Variants in SUGCT observed in about 807,000 individuals in gnomAD.
SUGCT encodes the protein succinyl-CoA:glutarate CoA-transferase.
SUGCT carries 41 observed loss-of-function variants against 55.0 expected under a neutral mutation model. The observed-to-expected ratio is 0.74, with a 90% confidence interval of 0.58 to 0.97. The LOEUF (loss-of-function observed/expected upper bound fraction) is 0.97. SUGCT is among the 50% of genes least tolerant of loss of function. The pLI is 0.00. For missense variants in SUGCT, 568 were observed against 547.8 expected (o/e 1.04, Z -0.37); for synonymous variants, 187 against 200.4 (o/e 0.93, Z 0.56).
At chr7:40,293,125 T>C (rs966163386) in intron 8 of SUGCT, among the ~76,000 whole-genome samples, 3 of 152,328 alleles carry the variant, frequency 2.0e-5, no homozygotes, top group African/African-American at 7.2e-5. Flanking sequence ...TAGTCATATT[T>C]GGTAATGAGA....
intron 13 of SUGCT, among the ~76,000 whole-genome samples, chr7:40,816,541 C>A (rs1010828065): frequency 2.6e-4 from 40 of 152,170 alleles, no homozygotes; most frequent in African/African-American, 8.9e-4. Flanking sequence ...GACACCATCA[C>A]AGGGGCTGTT....
intron 12 of SUGCT, among the ~76,000 whole-genome samples, chr7:40,590,263 ATAT>A (rs1797640290): frequency 1.3e-5 from 2 of 152,300 alleles, no homozygotes; most frequent in African/African-American, 2.4e-5. Flanking sequence ...AAAGACGATA[ATAT>A]TAATATTTGG....
At chr7:40,336,813 C>G (rs538754163) in intron 9 of SUGCT, among the ~76,000 whole-genome samples, 9 of 152,166 alleles carry the variant, frequency 5.9e-5, no homozygotes, top group African/African-American at 1.4e-4. Context: ...TTTGCTCTTG[C>G]TCCTCTAGTT....
the SUGCT span, among the ~76,000 whole-genome samples, chr7:40,985,307 C>A: frequency 9.7e-4 from 147 of 152,188 alleles, no homozygotes; most frequent in African/African-American, 3.5e-3. Context: ...CTGGTTGGGG[C>A]TTGGGATTGT....
intron 12 of SUGCT, among the ~76,000 whole-genome samples, chr7:40,602,130 G>T (rs968559915): frequency 1.3e-5 from 2 of 152,072 alleles, no homozygotes; most frequent in Non-Finnish European, 2.9e-5. Context: ...TCTCAATTGT[G>T]TCTGCTGTAA....
intron 6 of SUGCT, among the ~76,000 whole-genome samples, chr7:40,216,002 G>T (rs1787610015): frequency 6.6e-6 from 1 of 151,994 alleles, no homozygotes; most frequent in African/African-American, 2.4e-5. Flanking sequence ...AATATATCCT[G>T]CAGCCCAGAC....
chr7:40,820,195 C>T (rs996141707), intron 13 of SUGCT, among the ~76,000 whole-genome samples: 10 of 152,114 alleles, frequency 6.6e-5, no homozygotes, highest in Admixed American at 2.0e-4. Context: ...AGTCAGGTAG[C>T]GTGATGCCTC....
intron 13 of SUGCT, among the ~76,000 whole-genome samples, chr7:40,777,441 T>A (rs913835277): frequency 1.3e-5 from 2 of 152,042 alleles, no homozygotes; most frequent in African/African-American, 4.8e-5. Context: ...CTATTTATGT[T>A]TCCATGGTGG....
chr7:40,459,037 G>T (rs761275765), intron 10 of SUGCT, 64 bp from the exon 11 acceptor site: 28 of 1,009,862 alleles, frequency 2.8e-5, no homozygotes, highest in Non-Finnish European at 3.5e-5. Context: ...CTGAACACTA[G>T]CACCCACAGG....
intron 13 of SUGCT, among the ~76,000 whole-genome samples, chr7:40,828,615 T>C (rs1054749000): frequency 2.7e-5 from 4 of 149,190 alleles, no homozygotes; most frequent in African/African-American, 9.8e-5. Flanking sequence ...CAATGTTGAA[T>C]TAAAAAAAGA....
intron 12 of SUGCT, among the ~76,000 whole-genome samples, chr7:40,500,031 G>T (rs1314822848): frequency 6.6e-6 from 1 of 152,088 alleles, no homozygotes. Flanking sequence ...CACTGAGAGG[G>T]ATTAAAAGCA....
the SUGCT span, among the ~76,000 whole-genome samples, chr7:40,994,757 C>T: frequency 6.6e-6 from 1 of 152,092 alleles, no homozygotes; most frequent in Non-Finnish European, 1.5e-5. Flanking sequence ...TGGGAGTGAT[C>T]TCTTATGAAT....
At chr7:40,297,820 T>A (rs993824045) in intron 8 of SUGCT, among the ~76,000 whole-genome samples, 1 of 152,164 alleles carries the variant, frequency 6.6e-6, no homozygotes, top group African/African-American at 2.4e-5. Context: ...ATGTCCTATA[T>A]ACATGAAGGA....
At chr7:40,781,735 G>A (rs1320583275) in intron 13 of SUGCT, among the ~76,000 whole-genome samples, 2 of 152,158 alleles carry the variant, frequency 1.3e-5, no homozygotes, top group Non-Finnish European at 1.5e-5. Context: ...AAATTGGCAA[G>A]TGTTTTCTTA....
chr7:40,494,407 AACAG>A (rs1791862242), intron 11 of SUGCT, among the ~76,000 whole-genome samples: 1 of 152,244 alleles, frequency 6.6e-6, no homozygotes, highest in Admixed American at 6.5e-5. Context: ...AGATGACTGG[AACAG>A]TCATTGAAAA....
At chr7:40,912,613 C>A in the SUGCT span, among the ~76,000 whole-genome samples, 1 of 152,102 alleles carries the variant, frequency 6.6e-6, no homozygotes, top group Non-Finnish European at 1.5e-5. Flanking sequence ...ATTTTCCTGT[C>A]CTAGATGGGC....
the SUGCT span, among the ~76,000 whole-genome samples, chr7:40,931,877 C>T: frequency 6.6e-6 from 1 of 152,154 alleles, no homozygotes; most frequent in East Asian, 1.9e-4. Context: ...AAACCAGCTC[C>T]TGGATTCATT....
At chr7:40,751,112 C>A (rs974596943) in intron 13 of SUGCT, among the ~76,000 whole-genome samples, 3 of 152,048 alleles carry the variant, frequency 2.0e-5, no homozygotes, top group Admixed American at 1.3e-4. Flanking sequence ...TTTAGGTGAT[C>A]GAAGAAAGTC....
intron 13 of SUGCT, among the ~76,000 whole-genome samples, chr7:40,768,011 G>A (rs781271694): frequency 1.5e-4 from 23 of 152,176 alleles, no homozygotes; most frequent in East Asian, 7.7e-4. Context: ...CCATGACTGC[G>A]TCTGAAGACA....
Sources: allele counts gnomAD v4.1 joint callset (sites outside exome capture counted in the v4.1 genomes callset), GRCh38; gene constraint gnomAD v4.1.1; transcripts MANE v1.5; gene names NCBI Gene and HGNC (gene_info 2026-07-23, HGNC 2026-07-21).